Variants in FTCDNL1 observed in about 807,000 individuals in gnomAD.
The protein encoded by FTCDNL1 is formiminotransferase N-terminal subdomain-containing protein.
A neutral mutation model predicts 5.9 loss-of-function variants in FTCDNL1; 11 were observed. The ratio of observed to expected loss-of-function variants is 1.87; its 90% CI spans 1.18 to 3.10. The LOEUF is 3.10. FTCDNL1 is among the 30% of genes most tolerant of loss of function. The probability of loss-of-function intolerance (pLI) is 0.00; values close to 1 mark genes in which losing one functional copy is unlikely to be tolerated. For synonymous variants in FTCDNL1, 58 were observed against 24.8 expected (o/e 2.34, Z -3.99); for missense variants, 115 against 65.5 (o/e 1.76, Z -2.61).
At chr2:199,792,452 G>A (rs559878724) in intron 3 of FTCDNL1, among the ~76,000 whole-genome samples, 2 of 152,086 alleles carry the variant, frequency 1.3e-5, no homozygotes, top group South Asian at 4.2e-4. Context: ...CTTCCCTTCT[G>A]TCCTTACCAC....
At chr2:199,757,247 C>T (rs1454904831), downstream of FTCDNL1, among the ~76,000 whole-genome samples, 2 of 152,040 alleles carry the variant, frequency 1.3e-5, no homozygotes, top group Admixed American at 6.5e-5. Flanking sequence ...TAGGAAAACA[C>T]GAGCTGGGGA....
At chr2:199,832,727 T>C (rs567552049) in intron 3 of FTCDNL1, among the ~76,000 whole-genome samples, 5 of 152,234 alleles carry the variant, frequency 3.3e-5, no homozygotes, top group South Asian at 4.1e-4. Context: ...AACTGCTCTG[T>C]ACCCCCTCCA....
chr2:199,752,983 A>G, the FTCDNL1 span, among the ~76,000 whole-genome samples: 11 of 152,146 alleles, frequency 7.2e-5, no homozygotes, highest in African/African-American at 9.7e-5. Context: ...CTCATTGACG[A>G]TAAGTGCCAC....
At chr2:199,784,241 A>G (rs1699522700) in intron 3 of FTCDNL1, among the ~76,000 whole-genome samples, 1 of 152,194 alleles carries the variant, frequency 6.6e-6, no homozygotes, top group Admixed American at 6.5e-5. Flanking sequence ...AGCAACAGCA[A>G]TCTGATTCCA....
At chr2:199,766,710 G>A (rs62178287) in intron 3 of FTCDNL1, among the ~76,000 whole-genome samples, 6,605 of 152,222 alleles carry the variant, frequency 0.043, 166 homozygotes, top group Non-Finnish European at 0.058. Flanking sequence ...GAACTTAAAC[G>A]TCAGCTTGAT....
At chr2:199,742,984 G>A in the FTCDNL1 span, among the ~76,000 whole-genome samples, 1 of 152,198 alleles carries the variant, frequency 6.6e-6, no homozygotes, top group African/African-American at 2.4e-5. Flanking sequence ...GACTGGAAAT[G>A]TTATTTATCT....
chr2:199,700,398 A>T, the FTCDNL1 span, among the ~76,000 whole-genome samples: 4 of 152,208 alleles, frequency 2.6e-5, no homozygotes, highest in South Asian at 6.2e-4. Flanking sequence ...GAAATCAGAG[A>T]CAACACAAAC....
chr2:199,781,840 C>T lies in FTCDNL1; in HGVS notation c.212-21005G>A, dbSNP rs547380084. On this transcript the variant is annotated intron_variant, in intron 3 of 3. Transcript: ENST00000416668. Reference sequence around the variant, plus strand: ...TGTCGCCCAGGCTAGCATGCAGTGGCGCCATCTCGGCTCACTGCAAGCTCC... The same window carrying T: ...TGTCGCCCAGGCTAGCATGCAGTGGTGCCATCTCGGCTCACTGCAAGCTCC... Among the ~76,000 whole-genome samples, 22 of 152,102 alleles carry T rather than the reference C, an allele frequency of 1.4e-4. No homozygotes were observed. The East Asian group carries it at 2.1e-3, about 15-fold the overall frequency.
chr2:199,689,333 A>G, the FTCDNL1 span, among the ~76,000 whole-genome samples: 1 of 152,144 alleles, frequency 6.6e-6, no homozygotes, highest in African/African-American at 2.4e-5. Flanking sequence ...AGGAAGAGGG[A>G]ATTAGCCAGA....
chr2:199,712,687 G>T, the FTCDNL1 span, among the ~76,000 whole-genome samples: 7 of 152,164 alleles, frequency 4.6e-5, no homozygotes, highest in Admixed American at 3.9e-4. Flanking sequence ...CTCTCAGGAG[G>T]ATCCATCCTT....
rs144812451 is a variant in FTCDNL1 at position 199,762,236 on chromosome 2, G to A, written c.212-1401C>T. Among the ~76,000 whole-genome samples the A allele has an allele frequency of 5.5e-3, 833 of 152,154 alleles. 7 individuals carry two copies. The highest frequency in any genetic ancestry group is 0.019 in the African/African-American group (794 of 41,514). ...TCTACTAAAAATACAAAAATTAGCC[G>A]AGCATGGTGGTGGGCACCTGTAGTC... On this transcript the variant is annotated intron_variant, in intron 3 of 3. Coordinates refer to the FTCDNL1 transcript ENST00000416668.
chr2:199,756,671 A>C (rs532341581), downstream of FTCDNL1, among the ~76,000 whole-genome samples: 1 of 152,352 alleles, frequency 6.6e-6, no homozygotes, highest in Middle Eastern at 3.4e-3. Context: ...AGGTGTACAA[A>C]GGAAAGGAGG....
At chr2:199,822,846 G>T (rs1333537450) in intron 3 of FTCDNL1, among the ~76,000 whole-genome samples, 4 of 151,958 alleles carry the variant, frequency 2.6e-5, no homozygotes, top group African/African-American at 9.7e-5. Flanking sequence ...CGTTCTAGTT[G>T]TTGGGTTTTT....
the FTCDNL1 span, among the ~76,000 whole-genome samples, chr2:199,724,788 G>A: frequency 6.6e-6 from 1 of 152,028 alleles, no homozygotes; most frequent in South Asian, 2.1e-4. Flanking sequence ...TTGCTGAGGA[G>A]TGTTTTACTT....
the FTCDNL1 span, among the ~76,000 whole-genome samples, chr2:199,676,969 T>C: frequency 5.3e-4 from 80 of 152,304 alleles, 1 homozygote; most frequent in African/African-American, 1.7e-3. Flanking sequence ...AAGAGTTCAA[T>C]ATCTTCTTGT....
chr2:199,707,025 T>C, the FTCDNL1 span, among the ~76,000 whole-genome samples: 1 of 152,268 alleles, frequency 6.6e-6, no homozygotes. Context: ...TTCTCAGATA[T>C]ACTATTTTCA....
intron 3 of FTCDNL1, among the ~76,000 whole-genome samples, chr2:199,792,879 A>T (rs1401341762): frequency 6.6e-6 from 1 of 152,154 alleles, no homozygotes; most frequent in Non-Finnish European, 1.5e-5. Flanking sequence ...ACCAAACATA[A>T]GTAATTTAAC....
the FTCDNL1 span, among the ~76,000 whole-genome samples, chr2:199,698,180 A>C: frequency 6.6e-6 from 1 of 152,210 alleles, no homozygotes; most frequent in Non-Finnish European, 1.5e-5. Context: ...CCACACAACA[A>C]TAATGAGAGA....
At chr2:199,843,913 C>T (rs1032352193) in intron 3 of FTCDNL1, among the ~76,000 whole-genome samples, 3 of 150,992 alleles carry the variant, frequency 2.0e-5, no homozygotes, top group African/African-American at 7.3e-5. Flanking sequence ...GGCAGTTCAG[C>T]TCTAAAGAAA....
Sources: allele counts gnomAD v4.1 joint callset (sites outside exome capture counted in the v4.1 genomes callset), GRCh38; gene constraint gnomAD v4.1.1; transcripts MANE v1.5; gene names NCBI Gene and HGNC (gene_info 2026-07-23, HGNC 2026-07-21).